The following NRXN3 variants were observed in gnomAD, a reference collection of about 807,000 sequenced individuals.
The protein encoded by NRXN3 is neurexin III.
A neutral mutation model predicts 137.6 loss-of-function variants in NRXN3; 32 were observed. The ratio of observed to expected loss-of-function variants is 0.23; its 90% CI spans 0.18 to 0.31. The LOEUF (loss-of-function observed/expected upper bound fraction) is 0.31. NRXN3 is among the 10% of genes least tolerant of loss of function. NRXN3 has a pLI of 1.00. For synonymous variants in NRXN3, 798 were observed against 784.5 expected, an observed-to-expected ratio of 1.02 and a Z score of -0.29; for missense variants, 1,574 against 2,062.5, an observed-to-expected ratio of 0.76 and a Z score of 4.59.
intron 15 of NRXN3, among the ~76,000 whole-genome samples, chr14:79,213,714 T>C (rs1368658480): frequency 1.3e-5 from 2 of 151,942 alleles, no homozygotes; most frequent in African/African-American, 4.8e-5. Context: ...CGGGCCTTGA[T>C]CTTCCTAAGA....
intron 4 of NRXN3, among the ~76,000 whole-genome samples, chr14:78,496,236 C>T (rs1217155259): frequency 6.6e-6 from 1 of 152,104 alleles, no homozygotes; most frequent in African/African-American, 2.4e-5. Flanking sequence ...AGAGGGGAAA[C>T]CTAACTCATC....
At chr14:78,631,934 C>T (rs1246575345) in intron 4 of NRXN3, among the ~76,000 whole-genome samples, 1 of 151,296 alleles carries the variant, frequency 6.6e-6, no homozygotes, top group Non-Finnish European at 1.5e-5. Flanking sequence ...GGTGAAACCC[C>T]GTCTCTGCTA....
intron 4 of NRXN3, among the ~76,000 whole-genome samples, chr14:78,555,378 A>G (rs1344653841): frequency 2.6e-5 from 4 of 152,186 alleles, no homozygotes; most frequent in Non-Finnish European, 5.9e-5. Flanking sequence ...ACAACTACAG[A>G]GGAATAGAAT....
At chr14:79,765,984 A>G (rs1014884594) in intron 19 of NRXN3, among the ~76,000 whole-genome samples, 6 of 152,244 alleles carry the variant, frequency 3.9e-5, no homozygotes, top group African/African-American at 1.4e-4. Context: ...TATAAAGTAG[A>G]AAAAAATGGG....
intron 15 of NRXN3, among the ~76,000 whole-genome samples, chr14:79,189,582 C>T (rs1487383466): frequency 6.6e-6 from 1 of 151,982 alleles, no homozygotes; most frequent in Non-Finnish European, 1.5e-5. Context: ...TTCCTCCCTG[C>T]CCCTTTCACT....
chr14:78,489,487 C>G (rs2095624704), intron 4 of NRXN3, among the ~76,000 whole-genome samples: 1 of 152,192 alleles, frequency 6.6e-6, no homozygotes, highest in East Asian at 1.9e-4. Context: ...GGGACGCACA[C>G]ACAGAGGATA....
intron 16 of NRXN3, among the ~76,000 whole-genome samples, chr14:79,638,072 C>T (rs569199559): frequency 6.6e-6 from 1 of 152,112 alleles, no homozygotes; most frequent in African/African-American, 2.4e-5. Context: ...TACCTCTATA[C>T]TAGTTTTTCT....
chr14:79,485,780 G>A (rs2096650357), intron 16 of NRXN3, among the ~76,000 whole-genome samples: 1 of 152,062 alleles, frequency 6.6e-6, no homozygotes, highest in Non-Finnish European at 1.5e-5. Context: ...TAGACAAAAT[G>A]GTAGAAAAAG....
In NRXN3 at chr14:79,757,214, A is replaced by G. The variant is rs140522777; in HGVS notation, c.4015-47898A>G. ...TTCAGGGGCTCTCTCCTGCTCTCAG[A>G]TTAGCAACAACGTATTCAGATGGAA... On this transcript the variant is annotated intron_variant, in intron 19 of 20. Coordinates refer to ENST00000335750, the MANE Select transcript of NRXN3 (RefSeq NM_001330195.2). Among the ~76,000 whole-genome samples, 177 of 152,280 alleles carry G rather than the reference A, an allele frequency of 1.2e-3. 1 individual carries two copies. The highest frequency in any genetic ancestry group is 3.5e-3 in the African/African-American group (145 of 41,560).
intron 16 of NRXN3, among the ~76,000 whole-genome samples, chr14:79,484,679 C>G (rs555763910): frequency 4.5e-4 from 68 of 152,272 alleles, no homozygotes; most frequent in African/African-American, 1.2e-3. Context: ...AACTTGTGTT[C>G]ACAATTTGGG....
chr14:78,906,383 C>A (rs2099216696), intron 10 of NRXN3, among the ~76,000 whole-genome samples: 1 of 152,038 alleles, frequency 6.6e-6, no homozygotes, highest in African/African-American at 2.4e-5. Context: ...TTTCTTCTAC[C>A]CAGACTGCCC....
At chr14:79,581,534 A>T (rs2097716094) in intron 16 of NRXN3, among the ~76,000 whole-genome samples, 1 of 152,166 alleles carries the variant, frequency 6.6e-6, no homozygotes, top group Non-Finnish European at 1.5e-5. Flanking sequence ...GCTTAAGCTC[A>T]TGGGGTGTTT....
At chr14:78,587,203 A>G (rs906799722) in intron 4 of NRXN3, among the ~76,000 whole-genome samples, 2 of 152,264 alleles carry the variant, frequency 1.3e-5, no homozygotes, top group African/African-American at 2.4e-5. Flanking sequence ...ATGTCATAAA[A>G]GAGAATTTGG....
At chr14:78,850,911 T>C (rs1346475537) in intron 10 of NRXN3, among the ~76,000 whole-genome samples, 2 of 152,026 alleles carry the variant, frequency 1.3e-5, no homozygotes, top group Non-Finnish European at 2.9e-5. Flanking sequence ...CAGGGAAGAG[T>C]TTTATGAACA....
In NRXN3 at chr14:78,979,733, CAGG is replaced by C. The variant is rs2099484357; in HGVS notation, c.3143-8288_3143-8286del. Among the ~76,000 whole-genome samples the C allele has an allele frequency of 2.0e-5, 3 of 152,242 alleles. No individual in the cohort carries two copies. In the East Asian group the frequency reaches 5.8e-4, roughly 29 times the overall value. ...GTACTCATAGTTCCATGTGGCTGGG[CAGG>C]CCTCACAATCATGGCAGAAGGCAAA... is the stretch of plus-strand genomic sequence containing the variant. On this transcript the variant is annotated intron_variant, in intron 14 of 20. Transcript: ENST00000335750.
chr14:79,125,876 G>A (rs2056332946), intron 15 of NRXN3, among the ~76,000 whole-genome samples: 2 of 152,044 alleles, frequency 1.3e-5, no homozygotes, highest in Non-Finnish European at 1.5e-5. Flanking sequence ...TACTTACTCA[G>A]AATTTTTCTT....
intron 16 of NRXN3, among the ~76,000 whole-genome samples, chr14:79,600,347 G>T (rs2097909285): frequency 6.6e-6 from 1 of 152,148 alleles, no homozygotes; most frequent in South Asian, 2.1e-4. Context: ...CCTCTGAATA[G>T]TCTCTGAATG....
intron 16 of NRXN3, among the ~76,000 whole-genome samples, chr14:79,588,524 T>C (rs2097779016): frequency 6.6e-6 from 1 of 152,216 alleles, no homozygotes; most frequent in African/African-American, 2.4e-5. Context: ...GATGAGCTGT[T>C]AGGCAGATTA....
chr14:78,752,518 G>A (rs571803641), intron 8 of NRXN3, among the ~76,000 whole-genome samples: 2 of 152,194 alleles, frequency 1.3e-5, no homozygotes, highest in Non-Finnish European at 2.9e-5. Flanking sequence ...AGGCAAACAT[G>A]GCTCTTAAGA....
Sources: gnomAD v4.1 joint callset for allele counts (sites outside exome capture counted in the v4.1 genomes callset) on GRCh38, gnomAD v4.1.1 for gene constraint, MANE v1.5 for transcripts, NCBI Gene and HGNC (gene_info 2026-07-23, HGNC 2026-07-21) for gene names.